STXBP4: variants seen among roughly 807,000 people sequenced by gnomAD.
STXBP4 encodes the protein syntaxin binding protein 4.
A neutral mutation model predicts 76.1 loss-of-function variants in STXBP4; 55 were observed. The observed-to-expected ratio is 0.72, with a 90% CI of 0.58 to 0.91. The LOEUF (loss-of-function observed/expected upper bound fraction) is 0.91, where lower values mean the gene tolerates loss of function less well. STXBP4 is among the 40% of genes least tolerant of loss of function. The pLI is 0.00. For synonymous variants in STXBP4, 201 were observed against 220.2 expected, an observed-to-expected ratio of 0.91 and a Z score of 0.77; for missense variants, 618 against 636.9, an observed-to-expected ratio of 0.97 and a Z score of 0.32.
chr17:55,036,598 A>G (rs1010426791), intron 10 of STXBP4, among the ~76,000 whole-genome samples: 1 of 151,762 alleles, frequency 6.6e-6, no homozygotes, highest in African/African-American at 2.4e-5. Flanking sequence ...CTGAGTTGCT[A>G]ATAGTCTTAT....
rs184782112 is a variant in STXBP4, at chr17:54,988,636, G to T, written c.48-2189G>T. On this transcript the variant is annotated intron_variant, in intron 3 of 17. Coordinates refer to ENST00000376352, the MANE Select transcript of STXBP4 (RefSeq NM_178509.6). ...CAAAAATACTCAAAATTAGCTGGGT[G>T]TGGTAGCACGCACCTGTAATCCCAG... Among the ~76,000 whole-genome samples the T allele has an allele frequency of 3.9e-5, 6 of 152,248 alleles. No individual in the cohort carries two copies. In the East Asian group the frequency reaches 7.7e-4, roughly 20 times the overall value.
chr17:55,008,883 C>G (rs997804623), intron 8 of STXBP4, among the ~76,000 whole-genome samples: 1 of 152,178 alleles, frequency 6.6e-6, no homozygotes, highest in African/African-American at 2.4e-5. Flanking sequence ...TGTTTTCTTG[C>G]ACACCAAAGT....
downstream of STXBP4, among the ~76,000 whole-genome samples, chr17:55,174,475 C>T (rs2080421629): frequency 6.6e-6 from 1 of 152,154 alleles, no homozygotes. Context: ...GCTTATTTGT[C>T]ATCTGTTTAT....
At chr17:55,153,457 A>G (rs2080237976) in intron 17 of STXBP4, among the ~76,000 whole-genome samples, 1 of 152,214 alleles carries the variant, frequency 6.6e-6, no homozygotes, top group East Asian at 1.9e-4. Flanking sequence ...TGATTTTTAC[A>G]AATCATTCTG....
Position 55,161,492 on chromosome 17 carries a change from A to G in STXBP4, c.*1581A>G, listed in dbSNP as rs935684573. 6.6e-6 allele frequency: 1 copy of G among 152,168 alleles called. No homozygotes were observed. Among genetic ancestry groups the G allele is most frequent in the African/African-American group, 2.4e-5 (1 of 41,442 alleles). 9.4% of individuals were successfully genotyped at this position (152,168 alleles called of 1,614,324 possible). On this transcript the variant is annotated 3_prime_UTR_variant, in exon 18 of 18. Transcript: ENST00000376352. ...CAAACTTCTTGTTTTTGTCAAATTA[A>G]TGGTATGAAATTTCTCTCCCCCTGC...
chr17:55,095,810 A>C (rs1044617228), intron 16 of STXBP4, among the ~76,000 whole-genome samples: 3 of 152,214 alleles, frequency 2.0e-5, no homozygotes, highest in African/African-American at 7.2e-5. Context: ...TACTTAAGTC[A>C]CAAGTTTGGA....
rs978381005 is a variant in STXBP4 at position 55,165,760 on chromosome 17, C to T, written c.*5849C>T. The T allele has an allele frequency of 1.3e-4, 20 of 152,142 alleles. No individual in the cohort carries two copies. Among genetic ancestry groups the T allele is most frequent in the Admixed American group, 1.3e-3 (20 of 15,268 alleles). The allele number at this position is 152,142 out of a possible 1,614,324, so 9.4% of individuals were successfully genotyped here. Reference sequence around the variant, plus strand: ...AGGTGATTAGGTCATGAGGCTCCATCCTGGTGAATGGGATTAGGACCCTTA... The same window carrying T: ...AGGTGATTAGGTCATGAGGCTCCATTCTGGTGAATGGGATTAGGACCCTTA... On this transcript the variant is annotated 3_prime_UTR_variant, in exon 18 of 18. Transcript: ENST00000376352.
At chr17:55,022,056 G>A (rs1251997709) in intron 8 of STXBP4, among the ~76,000 whole-genome samples, 1 of 151,514 alleles carries the variant, frequency 6.6e-6, no homozygotes, top group Non-Finnish European at 1.5e-5. Flanking sequence ...ATATATTTAA[G>A]AGCTGTGTTC....
At chr17:54,993,831 C>A (rs1039427385) in intron 4 of STXBP4, among the ~76,000 whole-genome samples, 1 of 152,128 alleles carries the variant, frequency 6.6e-6, no homozygotes, top group African/African-American at 2.4e-5. Flanking sequence ...TCATAATTAA[C>A]AGTATAGGCT....
intron 1 of STXBP4, among the ~76,000 whole-genome samples, chr17:54,984,950 C>T (rs2077606153): frequency 6.6e-6 from 1 of 151,956 alleles, no homozygotes; most frequent in African/African-American, 2.4e-5. Context: ...GGCTCTTTTC[C>T]CATTTACTCT....
At chr17:55,062,654 G>C (rs1657704026) in intron 12 of STXBP4, among the ~76,000 whole-genome samples, 1 of 152,128 alleles carries the variant, frequency 6.6e-6, no homozygotes, top group African/African-American at 2.4e-5. Context: ...TCTGGTTCTA[G>C]ATCCTTGAGA....
intron 17 of STXBP4, among the ~76,000 whole-genome samples, chr17:55,158,333 G>A (rs574789800): frequency 2.6e-5 from 4 of 152,212 alleles, no homozygotes; most frequent in Non-Finnish European, 4.4e-5. Flanking sequence ...TTAAGTAATC[G>A]TTGTAAGTAC....
chr17:55,147,901 G>C (rs2080174919), intron 17 of STXBP4, among the ~76,000 whole-genome samples: 1 of 152,166 alleles, frequency 6.6e-6, no homozygotes, highest in South Asian at 2.1e-4. Flanking sequence ...TTTAGAGGGA[G>C]AAGTGGTGTG....
intron 12 of STXBP4, among the ~76,000 whole-genome samples, chr17:55,056,806 A>G (rs931976387): frequency 1.3e-5 from 2 of 152,146 alleles, no homozygotes; most frequent in African/African-American, 4.8e-5. Flanking sequence ...CAGCAGTTCC[A>G]TTCCAGCCTG....
chr17:55,099,216 A>G (rs982401577), intron 16 of STXBP4, among the ~76,000 whole-genome samples: 10 of 152,210 alleles, frequency 6.6e-5, no homozygotes, highest in Non-Finnish European at 1.5e-5. Context: ...CTGTGTCTCT[A>G]GGAATCTAAA....
intron 12 of STXBP4, among the ~76,000 whole-genome samples, chr17:55,060,940 A>G (rs148896562): frequency 6.6e-6 from 1 of 152,292 alleles, no homozygotes; most frequent in African/African-American, 2.4e-5. Context: ...AAGCCAAAAT[A>G]TTTAGCTTGT....
At chr17:55,063,091 G>C (rs372880629) in intron 12 of STXBP4, among the ~76,000 whole-genome samples, 69 of 152,280 alleles carry the variant, frequency 4.5e-4, no homozygotes, top group Middle Eastern at 3.4e-3. Flanking sequence ...CAGTGAGCTT[G>C]GAGAAGGAAC....
At chr17:55,062,947 T>C (rs1198579175) in intron 12 of STXBP4, among the ~76,000 whole-genome samples, 4 of 152,262 alleles carry the variant, frequency 2.6e-5, no homozygotes, top group South Asian at 2.1e-4. Context: ...AAAGCTCTTA[T>C]AGTGATAGAC....
chr17:54,999,876 G>T lies in STXBP4; in HGVS notation c.498+34G>T, dbSNP rs1598180914. The T allele has an allele frequency of 1.0e-5, 14 of 1,393,958 alleles. No individual in the cohort carries two copies. The East Asian group carries it at 3.2e-4, about 32-fold the overall frequency. 86.3% of individuals were successfully genotyped at this position (1,393,958 alleles called of 1,614,324 possible). On this transcript the variant is annotated intron_variant, in intron 6 of 17. Transcript: ENST00000376352. The stretch of plus-strand genomic sequence containing the variant: ...GGTAATCTTAAATTTCTCTATATAT[G>T]CACTCCATAAATTCCCTATACATTT...
Sources: gnomAD v4.1 joint callset for allele counts (sites outside exome capture counted in the v4.1 genomes callset) on GRCh38, gnomAD v4.1.1 for gene constraint, MANE v1.5 for transcripts, NCBI Gene and HGNC (gene_info 2026-07-23, HGNC 2026-07-21) for gene names.